The following ADGRL3 variants were observed in gnomAD, a reference collection of about 807,000 sequenced individuals.
ADGRL3 encodes calcium-independent alpha-latrotoxin receptor 3.
Under a neutral mutation model 153.5 loss-of-function variants are expected in ADGRL3, and 62 were observed. The ratio of observed to expected loss-of-function variants is 0.40; its 90% CI spans 0.33 to 0.50. The LOEUF (loss-of-function observed/expected upper bound fraction) is 0.50, where lower values mean the gene tolerates loss of function less well. ADGRL3 is among the 20% of genes least tolerant of loss of function. The probability of loss-of-function intolerance (pLI) is 0.47; values close to 1 mark genes in which losing one functional copy is unlikely to be tolerated. For synonymous variants in ADGRL3, 710 were observed against 672.5 expected (o/e 1.06, Z -0.86); for missense variants, 1,641 against 1,859.4 (o/e 0.88, Z 2.16).
At chr4:61,857,541 C>T (rs565480314) in intron 9 of ADGRL3, among the ~76,000 whole-genome samples, 7 of 151,678 alleles carry the variant, frequency 4.6e-5, no homozygotes, top group East Asian at 1.9e-4. Context: ...AGTGATGGGT[C>T]GGAAAATTGA....
chr4:61,867,876 A>G (rs1451341964), intron 9 of ADGRL3, among the ~76,000 whole-genome samples: 1 of 151,898 alleles, frequency 6.6e-6, no homozygotes, highest in Non-Finnish European at 1.5e-5. Context: ...AAATATGTGG[A>G]TTTTTTTATA....
chr4:61,363,200 C>T (rs892005345), intron 1 of ADGRL3, among the ~76,000 whole-genome samples: 1 of 152,162 alleles, frequency 6.6e-6, no homozygotes, highest in African/African-American at 2.4e-5. Context: ...ATGTTAGTTT[C>T]AGGGAGATTA....
intron 2 of ADGRL3, among the ~76,000 whole-genome samples, chr4:61,456,234 A>C (rs1392222539): frequency 6.6e-6 from 1 of 151,046 alleles, no homozygotes; most frequent in Admixed American, 6.7e-5. Context: ...ATGCTTGGCT[A>C]TTCATAAAAT....
At position 61,334,770 on chromosome 4, in the gene ADGRL3, G is replaced by A. The variant is rs1055306101; in HGVS notation, c.-239-48354G>A. Among the ~76,000 whole-genome samples, 15 of 152,102 alleles carry A rather than the reference G, an allele frequency of 9.9e-5. No individual in the cohort carries two copies. In the East Asian group the frequency reaches 2.1e-3, roughly 22 times the overall value. On this transcript the variant is annotated intron_variant, in intron 1 of 26. Transcript: ENST00000683033. ...TTTGCTAGGCAAGAATATAAAGTACGTCTTTTTCAAATTCAATTGAGTTAT... is the reference window on the plus strand; with the variant it reads ...TTTGCTAGGCAAGAATATAAAGTACATCTTTTTCAAATTCAATTGAGTTAT...
intron 9 of ADGRL3, among the ~76,000 whole-genome samples, chr4:61,823,363 C>T (rs78301466): frequency 0.056 from 8,547 of 152,274 alleles, 301 homozygotes; most frequent in Middle Eastern, 0.11. Context: ...TGCAAATTAA[C>T]TGTGAAATCA....
intron 1 of ADGRL3, among the ~76,000 whole-genome samples, chr4:61,207,244 T>C (rs1737724541): frequency 6.6e-6 from 1 of 152,072 alleles, no homozygotes; most frequent in Non-Finnish European, 1.5e-5. Context: ...TTCCCCTCCC[T>C]GTGTCCATGT....
chr4:61,803,558 A>T (rs143787290), intron 8 of ADGRL3, among the ~76,000 whole-genome samples: 1 of 152,234 alleles, frequency 6.6e-6, no homozygotes, highest in East Asian at 1.9e-4. Context: ...CTACCTTGAA[A>T]TGTCATGATA....
chr4:61,755,163 T>C (rs2096808824), intron 8 of ADGRL3, among the ~76,000 whole-genome samples: 2 of 152,310 alleles, frequency 1.3e-5, no homozygotes, highest in Admixed American at 6.5e-5. Flanking sequence ...CAAATGGTAT[T>C]TCTAGTTCTA....
chr4:61,420,610 G>A (rs559906355), intron 2 of ADGRL3: 1 of 151,492 alleles, frequency 6.6e-6, no homozygotes, highest in Admixed American at 6.6e-5. Flanking sequence ...GTTTCACCGT[G>A]TTAGCCAGGA....
intron 1 of ADGRL3, among the ~76,000 whole-genome samples, chr4:61,351,749 A>G (rs1257935034): frequency 6.6e-6 from 1 of 151,970 alleles, no homozygotes; most frequent in Non-Finnish European, 1.5e-5. Flanking sequence ...GCTCAGAAAA[A>G]AAAAAGAAAA....
intron 1 of ADGRL3, among the ~76,000 whole-genome samples, chr4:61,342,253 C>G (rs1026049094): frequency 3.0e-4 from 45 of 152,228 alleles, no homozygotes; most frequent in African/African-American, 9.1e-4. Flanking sequence ...CTTAAAGTTA[C>G]AACTTGGCTA....
intron 23 of ADGRL3, among the ~76,000 whole-genome samples, chr4:62,034,995 T>C (rs1400495608): frequency 6.6e-6 from 1 of 151,974 alleles, no homozygotes. Flanking sequence ...CTGACTAGGG[T>C]AACTAAGATG....
At chr4:61,579,926 A>C (rs1468950552) in intron 4 of ADGRL3, among the ~76,000 whole-genome samples, 2 of 152,136 alleles carry the variant, frequency 1.3e-5, no homozygotes, top group Non-Finnish European at 2.9e-5. Flanking sequence ...TTTGGTTACC[A>C]GTGTTGTTTT....
intron 9 of ADGRL3, among the ~76,000 whole-genome samples, chr4:61,815,335 C>T (rs1321389391): frequency 6.6e-6 from 1 of 152,044 alleles, no homozygotes; most frequent in African/African-American, 2.4e-5. Flanking sequence ...TATTTTTCCC[C>T]AGGTCAGTTG....
chr4:61,270,472 A>C (rs1031770370), intron 1 of ADGRL3, among the ~76,000 whole-genome samples: 1 of 151,780 alleles, frequency 6.6e-6, no homozygotes, highest in African/African-American at 2.4e-5. Context: ...TATGAAAAAA[A>C]CCTGCTTATT....
intron 4 of ADGRL3, among the ~76,000 whole-genome samples, chr4:61,555,918 G>A (rs1478152092): frequency 6.6e-6 from 1 of 152,122 alleles, no homozygotes; most frequent in African/African-American, 2.4e-5. Context: ...GGCTAGCTTG[G>A]TTTTGCTAGG....
At chr4:62,041,268 T>A (rs1021561984) in intron 24 of ADGRL3, among the ~76,000 whole-genome samples, 2 of 152,096 alleles carry the variant, frequency 1.3e-5, no homozygotes, top group Admixed American at 6.6e-5. Flanking sequence ...TAATCACTTA[T>A]AAAAGTTTTA....
chr4:61,599,408 G>A (rs1233648588), intron 5 of ADGRL3, among the ~76,000 whole-genome samples: 1 of 152,096 alleles, frequency 6.6e-6, no homozygotes, highest in Non-Finnish European at 1.5e-5. Context: ...GGCGCAATCT[G>A]GGCTCCCTCC....
At chr4:61,817,896 T>C (rs28861113) in intron 9 of ADGRL3, among the ~76,000 whole-genome samples, 84,692 of 151,874 alleles carry the variant, frequency 0.56, 25,239 homozygotes, top group African/African-American at 0.76. Context: ...TATTTCCCAC[T>C]GGGTCCCTCC....
Sources: allele counts gnomAD v4.1 joint callset (sites outside exome capture counted in the v4.1 genomes callset), GRCh38; gene constraint gnomAD v4.1.1; transcripts MANE v1.5; gene names NCBI Gene and HGNC (gene_info 2026-07-23, HGNC 2026-07-21).